DRGX: variants seen among roughly 807,000 people sequenced by gnomAD.
DRGX encodes dorsal root ganglia homeobox, also known as dorsal root ganglia homeobox protein.
In DRGX, 21 loss-of-function variants were observed where a neutral mutation model predicts 28.6. The observed-to-expected ratio is 0.73, with a 90% CI of 0.52 to 1.06. The LOEUF is 1.06. Ranked by LOEUF, DRGX falls within the 50% of genes least tolerant of loss-of-function variation. The pLI is 0.00. For missense variants in DRGX, 354 were observed against 343.9 expected, an observed-to-expected ratio of 1.03 and a Z score of -0.23; for synonymous variants, 136 against 139.1, an observed-to-expected ratio of 0.98 and a Z score of 0.16.
At chr10:49,383,718 G>A (rs1220483386) in intron 6 of DRGX, among the ~76,000 whole-genome samples, 1 of 152,220 alleles carries the variant, frequency 6.6e-6, no homozygotes, top group Non-Finnish European at 1.5e-5. Context: ...GCCCTCTTAA[G>A]AAGAGTCCTG....
At chr10:49,376,355 C>G (rs1353181573) in intron 6 of DRGX, among the ~76,000 whole-genome samples, 1 of 152,206 alleles carries the variant, frequency 6.6e-6, no homozygotes, top group East Asian at 1.9e-4. Flanking sequence ...CTTGAGTCCT[C>G]TGCTCCCCAA....
At chr10:49,390,051 T>C (rs1849883414) in intron 4 of DRGX, 82 bp downstream of exon 4, 2 of 1,325,384 alleles carry the variant, frequency 1.5e-6, no homozygotes, top group Admixed American at 5.2e-5. Flanking sequence ...TTTGGCCAAA[T>C]GTGCACTCTG....
chr10:49,380,389 T>A (rs1849761839), intron 6 of DRGX, among the ~76,000 whole-genome samples: 1 of 152,130 alleles, frequency 6.6e-6, no homozygotes, highest in Non-Finnish European at 1.5e-5. Flanking sequence ...CCCAAGCGCC[T>A]CCCTGGCCAT....
chr10:49,372,302 C>T (rs150713443), intron 6 of DRGX, among the ~76,000 whole-genome samples: 15 of 152,172 alleles, frequency 9.9e-5, no homozygotes, highest in Non-Finnish European at 1.6e-4. Context: ...ATCCTATAAA[C>T]GAGTGACAAT....
At chr10:49,373,115 A>G (rs1427836788) in intron 6 of DRGX, among the ~76,000 whole-genome samples, 1 of 152,230 alleles carries the variant, frequency 6.6e-6, no homozygotes, top group Non-Finnish European at 1.5e-5. Context: ...ATTTTAAGCT[A>G]TAATGAATGG....
At chr10:49,377,879 A>T (rs946249862) in intron 6 of DRGX, among the ~76,000 whole-genome samples, 7 of 152,164 alleles carry the variant, frequency 4.6e-5, no homozygotes, top group Non-Finnish European at 7.3e-5. Context: ...GTTAAATAAA[A>T]CCATACCAAA....
In DRGX at chr10:49,364,883, C is replaced by T. The variant is rs1313303584; in HGVS notation, c.*1233G>A. ...ACCATCCGCATGGAAACACCATCAGCAAAAGCCACCAAAGACTGCAACCTT... is the reference window on the plus strand; with the variant it reads ...ACCATCCGCATGGAAACACCATCAGTAAAAGCCACCAAAGACTGCAACCTT... On this transcript the variant is annotated 3_prime_UTR_variant, in exon 7 of 7. Transcript: ENST00000374139. 1 of 152,212 alleles carries T rather than the reference C, an allele frequency of 6.6e-6. No individual in the cohort carries two copies. Among genetic ancestry groups the T allele is most frequent in the African/African-American group, 2.4e-5 (1 of 41,452 alleles). The allele number at this position is 152,212 out of a possible 1,614,324, so 9.4% of individuals were successfully genotyped here.
chr10:49,391,673 A>G (rs1332693211), intron 2 of DRGX, among the ~76,000 whole-genome samples: 1 of 152,146 alleles, frequency 6.6e-6, no homozygotes, highest in African/African-American at 2.4e-5. Context: ...CCTTTGGCTC[A>G]TATGGTAGTT....
chr10:49,390,010 T>C (rs1832284912), intron 4 of DRGX, 123 bp downstream of exon 4: 1 of 842,786 alleles, frequency 1.2e-6, no homozygotes, highest in South Asian at 1.9e-5. Context: ...AAGTGCATCA[T>C]GAAAATGACA....
At chr10:49,367,627 A>C (rs1474394079) in intron 6 of DRGX, among the ~76,000 whole-genome samples, 2 of 151,882 alleles carry the variant, frequency 1.3e-5, no homozygotes, top group Admixed American at 6.6e-5. Context: ...GCCCAGGTCA[A>C]TCCTTCTCAC....
chr10:49,373,874 T>C (rs1849690152), intron 6 of DRGX, among the ~76,000 whole-genome samples: 1 of 152,058 alleles, frequency 6.6e-6, no homozygotes, highest in Non-Finnish European at 1.5e-5. Flanking sequence ...AAATCTAGCT[T>C]CATAGGTGTA....
At chr10:49,380,994 C>T (rs527893511) in intron 6 of DRGX, among the ~76,000 whole-genome samples, 2 of 152,342 alleles carry the variant, frequency 1.3e-5, no homozygotes, top group South Asian at 4.1e-4. Flanking sequence ...TGATCAAGAT[C>T]CCCATTCTGC....
chr10:49,381,636 T>C (rs1386842339), intron 6 of DRGX, among the ~76,000 whole-genome samples: 1 of 152,250 alleles, frequency 6.6e-6, no homozygotes, highest in Non-Finnish European at 1.5e-5. Flanking sequence ...CCACACATAA[T>C]GCTCTCGGCG....
At chr10:49,374,845 G>A (rs1470560964) in intron 6 of DRGX, among the ~76,000 whole-genome samples, 3 of 152,144 alleles carry the variant, frequency 2.0e-5, no homozygotes, top group Non-Finnish European at 2.9e-5. Context: ...TCTCACACAC[G>A]GTTTTCCTGT....
chr10:49,369,132 T>C (rs1849628756), intron 6 of DRGX, among the ~76,000 whole-genome samples: 1 of 152,246 alleles, frequency 6.6e-6, no homozygotes, highest in Admixed American at 6.5e-5. Flanking sequence ...CTCCTTGCCC[T>C]GGAGCCATAG....
intron 6 of DRGX, among the ~76,000 whole-genome samples, chr10:49,379,950 T>A (rs1033610418): frequency 1.2e-4 from 18 of 152,204 alleles, no homozygotes; most frequent in African/African-American, 4.3e-4. Context: ...TGGAACCATG[T>A]CACCTCTCCA....
intron 6 of DRGX, among the ~76,000 whole-genome samples, chr10:49,385,820 C>T (rs562701381): frequency 2.6e-5 from 4 of 152,232 alleles, no homozygotes; most frequent in African/African-American, 9.6e-5. Flanking sequence ...CTGTTCCTGG[C>T]CAACACAGCT....
rs963203600 is a variant in DRGX at position 49,364,756 on chromosome 10, G to A, written c.*1360C>T. ...ATGATACACTCAGGAGTATTATTTGGGGGTCATGGAGTGGGGGAAGGTAAA... is the reference window on the plus strand; with the variant it reads ...ATGATACACTCAGGAGTATTATTTGAGGGTCATGGAGTGGGGGAAGGTAAA... On this transcript the variant is annotated 3_prime_UTR_variant, in exon 7 of 7. Transcript: ENST00000374139. The A allele has an allele frequency of 6.6e-6, 1 of 152,074 alleles. No homozygotes were observed. The highest frequency in any genetic ancestry group is 1.5e-5 in the Non-Finnish European group (1 of 68,030). 9.4% of individuals were successfully genotyped at this position (152,074 alleles called of 1,614,324 possible). A position where few individuals can be genotyped will look rare whatever the true frequency, so the allele number is the denominator to read the frequency against.
At chr10:49,395,542 G>A in intron 1 of DRGX, 21 bp from the exon 2 acceptor site, 1 of 1,381,030 alleles carries the variant, frequency 7.2e-7, no homozygotes, top group Non-Finnish European at 1.0e-6. Flanking sequence ...AACAGCGATA[G>A]AGCTTCAAGT....
Sources: gnomAD v4.1 joint callset for allele counts (sites outside exome capture counted in the v4.1 genomes callset) on GRCh38, gnomAD v4.1.1 for gene constraint, MANE v1.5 for transcripts, NCBI Gene and HGNC (gene_info 2026-07-23, HGNC 2026-07-21) for gene names.